The following SHANK1 variants were observed in gnomAD, a reference collection of about 807,000 sequenced individuals.
SHANK1 encodes SH3 and multiple ankyrin repeat domains 1.
In SHANK1, 35 loss-of-function variants were observed where a neutral mutation model predicts 165.6. The ratio of observed to expected loss-of-function variants is 0.21; its 90% confidence interval spans 0.16 to 0.28. The LOEUF (loss-of-function observed/expected upper bound fraction) is 0.28. SHANK1 is among the 10% of genes least tolerant of loss of function. The pLI is 1.00. For missense variants in SHANK1, 2,681 were observed against 3,036.4 expected (o/e 0.88, Z 2.75); for synonymous variants, 1,428 against 1,384.8 (o/e 1.03, Z -0.69).
At position 50,668,244 on chromosome 19, in the gene SHANK1, GC is replaced by G; in HGVS notation, c.3715del (p.Ala1239ArgfsTer104). On this transcript the variant is annotated frameshift_variant, in exon 23 of 24. Transcript: ENST00000293441. LOFTEE classifies it high-confidence loss of function. ...CTGCCAGCCCCCCTCCCTCCGGGCC[GC>G]CCCCACCAGGGCGGCCCCGAACTGG... Reference protein sequence around the residue: ...TSQFGAALVGAARREGGWQNE... With the variant: ...TSQFGAALVGXARREGGWQNE... The G allele has an allele frequency of 2.1e-6, 3 of 1,448,026 alleles. No homozygotes were observed. The highest frequency in any genetic ancestry group is 1.4e-5 in the South Asian group (1 of 68,990). 89.7% of individuals were successfully genotyped at this position (1,448,026 alleles called of 1,614,324 possible).
intron 8 of SHANK1, among the ~76,000 whole-genome samples, chr19:50,709,712 G>C (rs1000003649): frequency 6.6e-6 from 1 of 152,140 alleles, no homozygotes; most frequent in African/African-American, 2.4e-5. Flanking sequence ...ACTGTGCCCA[G>C]CTAATTTTTG....
chr19:50,673,757 GA>G (rs1985884312), intron 21 of SHANK1, among the ~76,000 whole-genome samples: 1 of 151,770 alleles, frequency 6.6e-6, no homozygotes, highest in Admixed American at 6.6e-5. Context: ...AAAGAAAAGA[GA>G]AAATTGTACC....
intron 22 of SHANK1, among the ~76,000 whole-genome samples, chr19:50,669,513 GA>G (rs1309448089): frequency 1.3e-5 from 2 of 152,110 alleles, no homozygotes; most frequent in Non-Finnish European, 2.9e-5. Flanking sequence ...GGAAGGTGAG[GA>G]AACTGAAATT....
chr19:50,703,852 G>A lies in SHANK1; in HGVS notation c.1223-22C>T, dbSNP rs775150669. On this transcript the variant is annotated intron_variant, in intron 10 of 23. Coordinates refer to ENST00000293441, the MANE Select transcript of SHANK1 (RefSeq NM_016148.5). Reference sequence around the variant, plus strand: ...GGCACTGAGAGGGCACAGTGGCGGCGGGGGGCAGATGTTAGGGGAGAAAAG... The same window carrying A: ...GGCACTGAGAGGGCACAGTGGCGGCAGGGGGCAGATGTTAGGGGAGAAAAG... 78 of 1,221,530 alleles carry A rather than the reference G, an allele frequency of 6.4e-5. No individual in the cohort carries two copies. In the East Asian group the frequency reaches 9.3e-4, roughly 15 times the overall value. 75.7% of individuals were successfully genotyped at this position (1,221,530 alleles called of 1,614,324 possible). A position where few individuals can be genotyped will look rare whatever the true frequency, so the allele number is the denominator to read the frequency against.
At chr19:50,703,162 C>A (rs1483489430) in intron 11 of SHANK1, among the ~76,000 whole-genome samples, 3 of 151,782 alleles carry the variant, frequency 2.0e-5, no homozygotes. Flanking sequence ...CTCTGTCCCC[C>A]TCAAGTCCCT....
Position 50,687,574 on chromosome 19 carries a change from A to T in SHANK1, c.2389+8T>A, listed in dbSNP as rs926583745. 4 of 1,546,558 alleles carry T rather than the reference A, an allele frequency of 2.6e-6. No individual in the cohort carries two copies. In the Admixed American group the frequency reaches 8.0e-5, roughly 31 times the overall value. ...GGCCCCCTGGCCTCAGCAGCCCCGC[A>T]GGCTCACCCATCTCCTCCAGCTCTG... On this transcript the variant is annotated splice_region_variant and intron_variant, in intron 19 of 23. Transcript: ENST00000293441.
At chr19:50,711,257 TAGTG>T (rs2089006148) in intron 8 of SHANK1, 110 bp downstream of exon 8, 1 of 637,518 alleles carries the variant, frequency 1.6e-6, no homozygotes, top group Non-Finnish European at 2.8e-6. Flanking sequence ...AGGGTGGAAA[TAGTG>T]AAGAAGTGGA....
chr19:50,714,169 C>T lies in SHANK1; in HGVS notation c.640+13G>A, dbSNP rs372299014. 90 of 1,611,002 alleles carry T rather than the reference C, an allele frequency of 5.6e-5. No individual in the cohort carries two copies. Among genetic ancestry groups the T allele is most frequent in the Non-Finnish European group, 7.5e-5 (88 of 1,177,464 alleles). ...CTGGCCCTGAGGTCCTCCTGATGCGCACCCCTCCCTACCTCCCGAATCCGA... is the reference window on the plus strand; with the variant it reads ...CTGGCCCTGAGGTCCTCCTGATGCGTACCCCTCCCTACCTCCCGAATCCGA... On this transcript the variant is annotated intron_variant, in intron 5 of 23. Transcript: ENST00000293441.
At chr19:50,669,942 G>A (rs1028696732) in intron 22 of SHANK1, among the ~76,000 whole-genome samples, 1 of 152,100 alleles carries the variant, frequency 6.6e-6, no homozygotes, top group Non-Finnish European at 1.5e-5. Context: ...TTACTTCACT[G>A]CCAAGGCTCG....
chr19:50,679,955 CAG>C (rs556621277), intron 21 of SHANK1, among the ~76,000 whole-genome samples: 480 of 149,942 alleles, frequency 3.2e-3, no homozygotes, highest in African/African-American at 0.011. Context: ...GATAGAGAGA[CAG>C]AGAGACAAAG....
chr19:50,705,060 G>A, intron 8 of SHANK1, among the ~76,000 whole-genome samples: 1 of 151,848 alleles, frequency 6.6e-6, no homozygotes, highest in East Asian at 1.9e-4. Context: ...AAAAAAAAAT[G>A]TCAGGTGTGG....
At position 50,704,202 on chromosome 19, in the gene SHANK1, A is replaced by G; in HGVS notation, c.1156-16T>C. On this transcript the variant is annotated splice_polypyrimidine_tract_variant and intron_variant, in intron 9 of 23. Coordinates refer to ENST00000293441, the MANE Select transcript of SHANK1 (RefSeq NM_016148.5). Reference sequence around the variant, plus strand: ...TCACTGCCACCTGGAGGGAGGGGGTAGAGGCAGGTCGGCCAGGGGGGCCCA... The same window carrying G: ...TCACTGCCACCTGGAGGGAGGGGGTGGAGGCAGGTCGGCCAGGGGGGCCCA... 1 of 1,613,330 alleles carries G rather than the reference A, an allele frequency of 6.2e-7. No homozygotes were observed. Among genetic ancestry groups the G allele is most frequent in the African/African-American group, 1.3e-5 (1 of 74,914 alleles).
chr19:50,666,579 G>A lies in SHANK1; in HGVS notation c.5381C>T (p.Thr1794Ile). The change falls in exon 23 of 24, where the codon ACC becomes ATC. Residue 1794 changes from threonine (T) to isoleucine (I), a missense_variant. By Grantham distance (89) the Thr-to-Ile change is moderately conservative. Transcript: ENST00000293441. The stretch of plus-strand genomic sequence containing the variant: ...AGCACGCAGGGCCAGCAGCCCATCG[G>A]TTCCAGCCCCTGTCACCGAGACGGT... ...SPTVSVTGAG[T>I]DGLLALRACS... 3 of 1,600,480 alleles carry A rather than the reference G, an allele frequency of 1.9e-6. No individual in the cohort carries two copies. The East Asian group carries it at 6.7e-5, about 36-fold the overall frequency.
At chr19:50,672,245 T>C (rs930012435) in intron 21 of SHANK1, 131 bp from the exon 22 acceptor site, 4 of 739,922 alleles carry the variant, frequency 5.4e-6, no homozygotes, top group Non-Finnish European at 8.9e-6. Context: ...GGGAGAGCAG[T>C]GTGAAGACGG....
rs746014607 is a variant in SHANK1, at chr19:50,669,173, C to T, written c.2787G>A (p.Pro929=). 67 of 1,576,826 alleles carry T rather than the reference C, an allele frequency of 4.2e-5. No homozygotes were observed. Among genetic ancestry groups the T allele is most frequent in the Non-Finnish European group, 5.1e-5 (59 of 1,163,410 alleles). ...DIPPPPTTSP[P]EPPYSTPPVP... The stretch of plus-strand genomic sequence containing the variant: ...CTGGAGGTGTGCTGTAGGGAGGCTC[C>T]GGTGGGGACGTGGTGGGTGGCGGGG... Residue 929 remains proline (P), a synonymous_variant, in exon 23 of 24, where the codon CCG becomes CCA. Coordinates refer to ENST00000293441, the MANE Select transcript of SHANK1 (RefSeq NM_016148.5).
intron 12 of SHANK1, among the ~76,000 whole-genome samples, chr19:50,698,257 C>T (rs1434265274): frequency 6.6e-6 from 1 of 152,176 alleles, no homozygotes; most frequent in Non-Finnish European, 1.5e-5. Context: ...TAACTGGTCA[C>T]AGCTCAGTTG....
chr19:50,672,173 C>T (rs1319709142), intron 21 of SHANK1, 59 bp from the exon 22 acceptor site: 2 of 1,374,372 alleles, frequency 1.5e-6, no homozygotes, highest in Non-Finnish European at 2.0e-6. Context: ...TCAGTCAGCG[C>T]AGAAAGGCTT....
chr19:50,676,678 C>G (rs1455090482), intron 21 of SHANK1, among the ~76,000 whole-genome samples: 1 of 152,134 alleles, frequency 6.6e-6, no homozygotes, highest in Non-Finnish European at 1.5e-5. Flanking sequence ...TCATTATTTG[C>G]TTGCTTGTTT....
At chr19:50,683,337 C>T (rs550372997) in intron 21 of SHANK1, among the ~76,000 whole-genome samples, 28 of 152,146 alleles carry the variant, frequency 1.8e-4, no homozygotes, top group Non-Finnish European at 3.5e-4. Context: ...TGGCTATATG[C>T]AGTAGTTGTG....
Sources: allele counts gnomAD v4.1 joint callset (sites outside exome capture counted in the v4.1 genomes callset), GRCh38; gene constraint gnomAD v4.1.1; transcripts MANE v1.5; gene names NCBI Gene and HGNC (gene_info 2026-07-23, HGNC 2026-07-21).